Variants in NDC1 observed in about 807,000 individuals in gnomAD.
The protein encoded by NDC1 is nucleoporin NDC1.
NDC1 carries 24 observed loss-of-function variants against 89.8 expected under a neutral mutation model. That is an observed-to-expected ratio of 0.27 (90% confidence interval 0.19 to 0.38). The LOEUF is 0.38. Ranked by LOEUF, NDC1 falls within the 10% of genes least tolerant of loss-of-function variation. The probability of loss-of-function intolerance (pLI) is 1.00; values close to 1 mark genes in which losing one functional copy is unlikely to be tolerated. For missense variants in NDC1, 728 were observed against 797.6 expected, an observed-to-expected ratio of 0.91 and a Z score of 1.05; for synonymous variants, 296 against 284.8, an observed-to-expected ratio of 1.04 and a Z score of -0.39.
At chr1:53,791,269 A>G (rs944666129) in intron 14 of NDC1, among the ~76,000 whole-genome samples, 3 of 152,100 alleles carry the variant, frequency 2.0e-5, no homozygotes, top group Non-Finnish European at 2.9e-5. Context: ...AATACAAAAA[A>G]TTAGCCAGGC....
chr1:53,822,380 C>T (rs900517720), intron 5 of NDC1, among the ~76,000 whole-genome samples: 5 of 152,060 alleles, frequency 3.3e-5, no homozygotes, highest in Admixed American at 6.5e-5. Flanking sequence ...AAAGTAGTTA[C>T]TGAATAATAT....
At chr1:53,768,689 T>C (rs549005907) in intron 17 of NDC1, among the ~76,000 whole-genome samples, 26 of 152,342 alleles carry the variant, frequency 1.7e-4, no homozygotes, top group African/African-American at 6.3e-4. Flanking sequence ...TCCGGTTTTC[T>C]AGTTCTTGAA....
intron 11 of NDC1, among the ~76,000 whole-genome samples, chr1:53,797,432 T>C (rs188495401): frequency 7.2e-4 from 109 of 152,334 alleles, no homozygotes; most frequent in African/African-American, 2.6e-3. Context: ...CTAAGCAATT[T>C]TGAATGAACT....
At position 53,796,992 on chromosome 1, in the gene NDC1, T is replaced by C; in HGVS notation, c.1375A>G (p.Met459Val). Reference protein sequence around the residue: ...TPFGSSVMNRMAGIFDVNTCY... With the variant: ...TPFGSSVMNRVAGIFDVNTCY... ...GTGTTTACATCAAAAATTCCAGCCA[T>C]CCGATTCATTACACTAGAGCCAAAT... The change falls in exon 12 of 18, where the codon ATG becomes GTG. Residue 459 changes from methionine to valine, a missense_variant. Coordinates refer to ENST00000371429, the MANE Select transcript of NDC1 (RefSeq NM_018087.5). The C allele has an allele frequency of 6.2e-7, 1 of 1,614,142 alleles. No individual in the cohort carries two copies. Among genetic ancestry groups the C allele is most frequent in the Non-Finnish European group, 8.5e-7 (1 of 1,180,012 alleles).
chr1:53,769,551 A>G (rs2100613470), intron 17 of NDC1, among the ~76,000 whole-genome samples: 1 of 152,370 alleles, frequency 6.6e-6, no homozygotes, highest in African/African-American at 2.4e-5. Flanking sequence ...CTTTTAAAAA[A>G]TAAGTAAATA....
rs185540880 is a variant in NDC1 at position 53,834,796 on chromosome 1, T to C, written c.178+704A>G. Among the ~76,000 whole-genome samples, 488 of 152,300 alleles carry C rather than the reference T, an allele frequency of 3.2e-3. 2 individuals are homozygous for C. Among genetic ancestry groups the C allele is most frequent in the Admixed American group, 7.1e-3 (109 of 15,288 alleles). On this transcript the variant is annotated intron_variant, in intron 2 of 17. Coordinates refer to ENST00000371429, the MANE Select transcript of NDC1 (RefSeq NM_018087.5). ...TTTTAATACATTTAGTAATTTTACT[T>C]AGTCTCTAAGGAATTTAAGGAACAT...
intron 3 of NDC1, 33 bp from the exon 4 acceptor site, chr1:53,828,206 A>T: frequency 6.3e-7 from 1 of 1,599,678 alleles, no homozygotes; most frequent in Non-Finnish European, 8.6e-7. Flanking sequence ...TGGCTTTATA[A>T]CCTACAGCAT....
chr1:53,790,853 C>T (rs2100643347), intron 14 of NDC1, among the ~76,000 whole-genome samples: 1 of 152,294 alleles, frequency 6.6e-6, no homozygotes, highest in African/African-American at 2.4e-5. Flanking sequence ...TTATGGAGTA[C>T]ATGTGAAATT....
intron 16 of NDC1, among the ~76,000 whole-genome samples, chr1:53,774,659 C>G (rs1647147046): frequency 6.6e-6 from 1 of 152,110 alleles, no homozygotes; most frequent in South Asian, 2.1e-4. Flanking sequence ...GAGGCTGAGG[C>G]AGGAGGACTG....
intron 16 of NDC1, among the ~76,000 whole-genome samples, chr1:53,773,396 A>T (rs1384646726): frequency 6.6e-6 from 1 of 152,218 alleles, no homozygotes; most frequent in Non-Finnish European, 1.5e-5. Context: ...TTTGTTTCAA[A>T]GATGCAATAT....
intron 14 of NDC1, 95 bp downstream of exon 14, chr1:53,793,134 T>C: frequency 9.1e-7 from 1 of 1,097,258 alleles, no homozygotes. Context: ...AGGATTAAGC[T>C]ATAAAATATT....
intron 8 of NDC1, among the ~76,000 whole-genome samples, chr1:53,806,847 T>G (rs1269817455): frequency 1.3e-5 from 2 of 152,184 alleles, no homozygotes; most frequent in Non-Finnish European, 2.9e-5. Context: ...ATAAAAACAA[T>G]GTAATTCTCA....
intron 10 of NDC1, among the ~76,000 whole-genome samples, chr1:53,802,365 TA>T (rs1034027626): frequency 2.0e-5 from 3 of 151,764 alleles, no homozygotes; most frequent in African/African-American, 4.8e-5. Context: ...AAGAAATCAT[TA>T]AAAAAAAGAT....
At chr1:53,785,974 G>A (rs1647293479) in intron 16 of NDC1, among the ~76,000 whole-genome samples, 1 of 151,672 alleles carries the variant, frequency 6.6e-6, no homozygotes, top group Non-Finnish European at 1.5e-5. Flanking sequence ...GTCCAGGCTG[G>A]AGTGCAGTGG....
In NDC1 at chr1:53,835,606, C is replaced by A; in HGVS notation, c.72G>T (p.Arg24Ser). 6.2e-7 allele frequency: 1 copy of A among 1,612,036 alleles called. No individual in the cohort carries two copies. The highest frequency in any genetic ancestry group is 2.2e-5 in the East Asian group (1 of 44,826). The stretch of plus-strand genomic sequence containing the variant: ...CTGACCAAACAATACTTGCAACTAT[C>A]CTCCAGCCCAAAACCTATAAACAAA... ...RDILWRVLGWRIVASIVWSVL... is the reference protein window; with the variant it reads ...RDILWRVLGWSIVASIVWSVL... The change falls in exon 2 of 18, where the codon AGG becomes AGT. Residue 24 changes from arginine to serine, a missense_variant. By Grantham distance (110) the Arg-to-Ser change is moderately radical. Coordinates refer to ENST00000371429, the MANE Select transcript of NDC1 (RefSeq NM_018087.5).
chr1:53,780,391 G>A (rs935851092), intron 16 of NDC1, among the ~76,000 whole-genome samples: 2 of 152,138 alleles, frequency 1.3e-5, no homozygotes, highest in South Asian at 2.1e-4. Context: ...GCATTTCTAT[G>A]CACAGTGGCA....
At chr1:53,832,107 C>T (rs765078729) in intron 3 of NDC1, among the ~76,000 whole-genome samples, 82 of 152,074 alleles carry the variant, frequency 5.4e-4, no homozygotes, top group Non-Finnish European at 2.2e-4. Flanking sequence ...TAAGTACACT[C>T]ATATTGTTGT....
intron 5 of NDC1, 135 bp from the exon 6 acceptor site, chr1:53,819,214 G>A: frequency 1.7e-6 from 1 of 596,654 alleles, no homozygotes. Context: ...AAAGAGTATT[G>A]CAGAAGCAAA....
chr1:53,797,255 G>T, intron 11 of NDC1, 111 bp from the exon 12 acceptor site: 1 of 980,084 alleles, frequency 1.0e-6, no homozygotes. Context: ...TTTACCCAAA[G>T]CTCAGTAGAT....
Sources: allele counts gnomAD v4.1 joint callset (sites outside exome capture counted in the v4.1 genomes callset), GRCh38; gene constraint gnomAD v4.1.1; transcripts MANE v1.5; gene names NCBI Gene and HGNC (gene_info 2026-07-23, HGNC 2026-07-21).